Variants in TCERG1L observed in about 807,000 individuals in gnomAD.
The protein encoded by TCERG1L is transcription elongation regulator 1 like.
In TCERG1L, 37 loss-of-function variants were observed where a neutral mutation model predicts 56.3. The ratio of observed to expected loss-of-function variants is 0.66; its 90% CI spans 0.51 to 0.87. TCERG1L has a LOEUF of 0.87. Among genes scored for constraint, TCERG1L ranks in the 40% least tolerant of loss-of-function variants. The pLI is 0.00. For synonymous variants in TCERG1L, 324 were observed against 326.3 expected, an observed-to-expected ratio of 0.99 and a Z score of 0.08; for missense variants, 799 against 774.2, an observed-to-expected ratio of 1.03 and a Z score of -0.38.
chr10:131,237,401 C>T lies in TCERG1L; in HGVS notation c.856+22858G>A, dbSNP rs768454112. Among the ~76,000 whole-genome samples, 59 of 152,256 alleles carry T rather than the reference C, an allele frequency of 3.9e-4. 1 individual carries two copies. The highest frequency in any genetic ancestry group is 6.6e-4 in the Non-Finnish European group (45 of 68,026). On this transcript the variant is annotated intron_variant, in intron 4 of 11. Transcript: ENST00000368642. ...CTTCTCCTACTAGGGTGCAGCTGCA[C>T]CACCTCAGAGATTTTTGTTTCTCAA...
At chr10:131,152,254 A>T (rs1208517452) in intron 6 of TCERG1L, among the ~76,000 whole-genome samples, 1 of 152,190 alleles carries the variant, frequency 6.6e-6, no homozygotes, top group Non-Finnish European at 1.5e-5. Context: ...CTCCTCTTGA[A>T]TCCTTTGCCA....
At chr10:131,302,287 T>C (rs1846770924) in intron 3 of TCERG1L, among the ~76,000 whole-genome samples, 1 of 151,960 alleles carries the variant, frequency 6.6e-6, no homozygotes, top group South Asian at 2.1e-4. Context: ...GTGAGCAGGA[T>C]ATACGGCTGG....
At chr10:131,114,270 A>G (rs1845434184) in intron 9 of TCERG1L, among the ~76,000 whole-genome samples, 1 of 142,762 alleles carries the variant, frequency 7.0e-6, no homozygotes, top group African/African-American at 2.5e-5. Context: ...TTAAGCAGCT[A>G]GAAACCTTAT....
intron 7 of TCERG1L, among the ~76,000 whole-genome samples, chr10:131,145,617 T>C (rs1267729508): frequency 6.6e-6 from 1 of 152,256 alleles, no homozygotes; most frequent in Non-Finnish European, 1.5e-5. Flanking sequence ...CAAATACCTC[T>C]GGATTTGACA....
rs1846488213 is a variant in TCERG1L, at chr10:131,283,618, T to C, written c.671-23174A>G. Among the ~76,000 whole-genome samples the C allele has an allele frequency of 2.0e-5, 3 of 152,138 alleles. No individual in the cohort carries two copies. In the South Asian group the frequency reaches 6.2e-4, roughly 32 times the overall value. On this transcript the variant is annotated intron_variant, in intron 3 of 11. Transcript: ENST00000368642. ...TAAAATATACTAATTGTATATGAAA[T>C]GTTTTCAAGAGGAGCAAGGACCTAG...
intron 11 of TCERG1L, among the ~76,000 whole-genome samples, chr10:131,097,200 C>CAAAAAAAAAAAAAAAAA (rs1161006867): frequency 2.2e-5 from 2 of 91,034 alleles, no homozygotes; most frequent in Non-Finnish European, 4.2e-5. Context: ...GGGTCTGTCT[C>CAAAAAAAAAAAAAAAAA]AAAAAAAAAA....
intron 3 of TCERG1L, among the ~76,000 whole-genome samples, chr10:131,282,147 A>G (rs1414389142): frequency 4.6e-5 from 7 of 150,746 alleles, no homozygotes; most frequent in Non-Finnish European, 3.0e-5. Context: ...GAAAAAAAAA[A>G]AAAAAAAAAA....
Position 131,176,904 on chromosome 10 carries a change from TCA to T in TCERG1L, c.857-10021_857-10020del, listed in dbSNP as rs143667318. On this transcript the variant is annotated intron_variant, in intron 4 of 11. Transcript: ENST00000368642. ...AAAACACATGCACACACAGACACAT[TCA>T]CACACCAAGATACATGCACACAGAC... Among the ~76,000 whole-genome samples, 43 of 145,502 alleles carry T rather than the reference TCA, an allele frequency of 3.0e-4. No homozygotes were observed. In the South Asian group the frequency reaches 5.2e-3, roughly 18 times the overall value.
intron 9 of TCERG1L, among the ~76,000 whole-genome samples, chr10:131,113,970 G>A (rs1817505190): frequency 7.0e-6 from 1 of 141,946 alleles, no homozygotes; most frequent in Non-Finnish European, 1.6e-5. Context: ...AGCTTCTTTG[G>A]GATTTGTACT....
chr10:131,104,468 C>T (rs940156668), intron 9 of TCERG1L, 114 bp from the exon 10 acceptor site: 4 of 683,008 alleles, frequency 5.9e-6, no homozygotes, highest in African/African-American at 5.3e-5. Flanking sequence ...CATTAAAGTA[C>T]AATAGATTCC....
At chr10:131,150,804 C>T (rs1845855946) in intron 6 of TCERG1L, among the ~76,000 whole-genome samples, 1 of 152,104 alleles carries the variant, frequency 6.6e-6, no homozygotes, top group South Asian at 2.1e-4. Flanking sequence ...TAAGGAGATA[C>T]CTGAGACTGG....
intron 9 of TCERG1L, among the ~76,000 whole-genome samples, chr10:131,106,716 G>A (rs1381333637): frequency 6.6e-6 from 1 of 152,150 alleles, no homozygotes; most frequent in Non-Finnish European, 1.5e-5. Context: ...TACCTGGGCA[G>A]GGTCAGGGAG....
chr10:131,257,030 AAAGAAAGAAAGAAAGAAAG>A (rs1846178840), intron 4 of TCERG1L, among the ~76,000 whole-genome samples: 1 of 147,976 alleles, frequency 6.8e-6, no homozygotes, highest in Non-Finnish European at 1.5e-5. Flanking sequence ...AGAAAGAAAG[AAAGAAAGAAAGAAAGAAAG>A]AAAGAAAAGA....
chr10:131,214,565 C>A (rs1036075917), intron 4 of TCERG1L, among the ~76,000 whole-genome samples: 3 of 152,226 alleles, frequency 2.0e-5, no homozygotes, highest in Non-Finnish European at 4.4e-5. Context: ...GAAAATAGCA[C>A]CTTCTCCTGC....
intron 4 of TCERG1L, among the ~76,000 whole-genome samples, chr10:131,255,350 C>A (rs775081363): frequency 2.0e-5 from 3 of 152,212 alleles, no homozygotes; most frequent in African/African-American, 7.2e-5. Context: ...ACTATGTTAA[C>A]ATGTATGTGA....
At chr10:131,178,749 C>G (rs1273779652) in intron 4 of TCERG1L, among the ~76,000 whole-genome samples, 4 of 152,180 alleles carry the variant, frequency 2.6e-5, no homozygotes, top group African/African-American at 9.7e-5. Flanking sequence ...GACCTTCTCC[C>G]CAGGCATCTG....
chr10:131,203,666 T>G (rs1229313839), intron 4 of TCERG1L, among the ~76,000 whole-genome samples: 1 of 152,170 alleles, frequency 6.6e-6, no homozygotes, highest in Admixed American at 6.5e-5. Context: ...CATACCGAGT[T>G]TCAGAGAGGT....
intron 4 of TCERG1L, among the ~76,000 whole-genome samples, chr10:131,245,690 G>C (rs3919692): frequency 0.13 from 19,765 of 152,218 alleles, 1,533 homozygotes; most frequent in East Asian, 0.21. Context: ...CTTCCCGAGG[G>C]GCTCCTGCCA....
intron 3 of TCERG1L, among the ~76,000 whole-genome samples, chr10:131,274,633 C>T (rs1486492028): frequency 6.6e-6 from 1 of 152,192 alleles, no homozygotes; most frequent in Non-Finnish European, 1.5e-5. Context: ...CGAGGCATTG[C>T]TGCTGCATGG....
Sources: gnomAD v4.1 joint callset for allele counts (sites outside exome capture counted in the v4.1 genomes callset) on GRCh38, gnomAD v4.1.1 for gene constraint, MANE v1.5 for transcripts, NCBI Gene and HGNC (gene_info 2026-07-23, HGNC 2026-07-21) for gene names.